The following BTD variants were observed in gnomAD, a reference collection of about 807,000 sequenced individuals.
BTD encodes the protein biotinidase.
In BTD, 13 loss-of-function variants were observed where a neutral mutation model predicts 17.7. The observed-to-expected ratio is 0.74, with a 90% CI of 0.48 to 1.17. BTD has a LOEUF of 1.17. Among genes scored for constraint, BTD ranks in the 50% most tolerant of loss-of-function variants. BTD has a pLI of 0.00. For missense variants in BTD, 674 were observed against 650.4 expected (o/e 1.04, Z -0.39); for synonymous variants, 240 against 245.2 (o/e 0.98, Z 0.20).
chr3:15,715,301 T>C (rs2072872234), downstream of BTD, among the ~76,000 whole-genome samples: 1 of 152,148 alleles, frequency 6.6e-6, no homozygotes, highest in Non-Finnish European at 1.5e-5. Flanking sequence ...GCAAAGGAAA[T>C]AAACTACTTA....
chr3:15,627,958 G>T (rs543373307), intron 1 of BTD, among the ~76,000 whole-genome samples: 77 of 152,298 alleles, frequency 5.1e-4, no homozygotes, highest in African/African-American at 1.8e-3. Context: ...CTGACCTCAG[G>T]TGATCTACCC....
intron 1 of BTD, among the ~76,000 whole-genome samples, chr3:15,629,375 A>G (rs956819618): frequency 6.6e-6 from 1 of 152,120 alleles, no homozygotes. Context: ...GGCTCCAGAG[A>G]TCTGTGTGTT....
chr3:15,636,888 G>A (rs976538469), intron 2 of BTD, among the ~76,000 whole-genome samples: 1 of 151,192 alleles, frequency 6.6e-6, no homozygotes, highest in African/African-American at 2.4e-5. Flanking sequence ...GACAACTTTT[G>A]CAAGGGTGAC....
chr3:15,693,337 G>A (rs1490467546), intron 3 of BTD, among the ~76,000 whole-genome samples: 3 of 152,046 alleles, frequency 2.0e-5, no homozygotes, highest in East Asian at 1.9e-4. Flanking sequence ...CAGAGAGAGA[G>A]AGAGAGAGAG....
chr3:15,626,796 G>GA (rs1418285475), intron 1 of BTD, among the ~76,000 whole-genome samples: 3 of 132,356 alleles, frequency 2.3e-5, no homozygotes, highest in Non-Finnish European at 3.1e-5. Context: ...AAAAAAAAAA[G>GA]AAAAGAAAAG....
At chr3:15,681,679 T>C (rs368188172) in intron 3 of BTD, among the ~76,000 whole-genome samples, 1 of 152,246 alleles carries the variant, frequency 6.6e-6, no homozygotes, top group Non-Finnish European at 1.5e-5. Flanking sequence ...AAGTAATTTT[T>C]AGAAAAACCT....
intron 4 of BTD, chr3:15,721,161 T>A: frequency 1.3e-6 from 2 of 1,567,902 alleles, no homozygotes; most frequent in Non-Finnish European, 1.7e-6. Context: ...AATGTTAAAG[T>A]AGTTTTGCTA....
intron 3 of BTD, among the ~76,000 whole-genome samples, chr3:15,686,998 T>C (rs1442993139): frequency 1.3e-5 from 2 of 151,134 alleles, no homozygotes; most frequent in African/African-American, 4.9e-5. Context: ...GGCTGGAGTG[T>C]AGTGGTGTGA....
chr3:15,677,057 C>A, intron 3 of BTD: 1 of 1,611,908 alleles, frequency 6.2e-7, no homozygotes, highest in South Asian at 1.1e-5. Context: ...TTTCATGACC[C>A]TATAATTGTG....
At chr3:15,674,912 G>A (rs2066775548) in intron 3 of BTD, among the ~76,000 whole-genome samples, 1 of 152,108 alleles carries the variant, frequency 6.6e-6, no homozygotes, top group Non-Finnish European at 1.5e-5. Flanking sequence ...GTTTTGATGG[G>A]AACAGTTTTG....
intron 3 of BTD, among the ~76,000 whole-genome samples, chr3:15,661,527 G>T (rs935478459): frequency 6.6e-6 from 1 of 152,048 alleles, no homozygotes; most frequent in African/African-American, 2.4e-5. Flanking sequence ...GAGTTTTAAG[G>T]GTTCTTTGTA....
intron 2 of BTD, among the ~76,000 whole-genome samples, chr3:15,640,398 CT>C (rs548991745): frequency 2.2e-3 from 322 of 145,076 alleles, no homozygotes; most frequent in African/African-American, 7.6e-3. Context: ...TTTTTTTTTC[CT>C]TTTTTTTTTG....
In BTD at chr3:15,620,468, A is replaced by G. The variant is rs145457222; in HGVS notation, c.-16-14956A>G. Among the ~76,000 whole-genome samples, 1,003 of 152,312 alleles carry G rather than the reference A, an allele frequency of 6.6e-3. 9 individuals carry two copies. Among genetic ancestry groups the G allele is most frequent in the African/African-American group, 0.023 (952 of 41,560 alleles). On this transcript the variant is annotated intron_variant, in intron 1 of 3. Coordinates refer to ENST00000643237, the MANE Select transcript of BTD (RefSeq NM_001370658.1). ...TGTGGCTCTTTTAGCCCAACCCCAC[A>G]GGCAGTCAGACCTTATGGTTGTCTT... is the stretch of plus-strand genomic sequence containing the variant.
Position 15,644,470 on chromosome 3 carries a change from C to A in BTD, c.554C>A (p.Thr185Asn), listed in dbSNP as rs746554189. The A allele has an allele frequency of 4.3e-6, 7 of 1,613,974 alleles. No homozygotes were observed. The South Asian group carries it at 5.5e-5, about 13-fold the overall frequency. Reference protein sequence around the residue: ...NTNVVFSNNGTLVDRYRKHNL... With the variant: ...NTNVVFSNNGNLVDRYRKHNL... ...AATGTCGTGTTCAGCAATAATGGAA[C>A]CCTTGTTGACCGCTACCGTAAACAC... The change falls in exon 4 of 4, where the codon ACC becomes AAC. Residue 185 changes from threonine (T) to asparagine (N), a missense_variant. Transcript: ENST00000643237.
chr3:15,675,409 AT>A (rs1190224927), intron 3 of BTD, among the ~76,000 whole-genome samples: 1 of 152,196 alleles, frequency 6.6e-6, no homozygotes, highest in Non-Finnish European at 1.5e-5. Flanking sequence ...TTTATAAATT[AT>A]TTTTTAAGGA....
chr3:15,616,901 C>T (rs1472046730), intron 1 of BTD, among the ~76,000 whole-genome samples: 4 of 151,912 alleles, frequency 2.6e-5, no homozygotes, highest in Non-Finnish European at 4.4e-5. Context: ...GGTGCAATCT[C>T]GGCTCACTGC....
At chr3:15,676,081 T>C (rs2066906130) in intron 3 of BTD, 10 of 1,032,086 alleles carry the variant, frequency 9.7e-6, no homozygotes, top group Non-Finnish European at 1.4e-5. Context: ...TTTTGTCAAC[T>C]TGTGAAGACC....
rs1294682218 is a variant in BTD, at chr3:15,652,667, T to G, written c.*7179T>G. 6.6e-6 allele frequency among the ~76,000 whole-genome samples: 1 copy of G among 152,208 alleles called. No homozygotes were observed. Among genetic ancestry groups the G allele is most frequent in the East Asian group, 1.9e-4 (1 of 5,202 alleles). On this transcript the variant is annotated 3_prime_UTR_variant, in exon 4 of 4. Transcript: ENST00000643237. ...AAATCCTAGGTTTTGAGGTAATTTATTATACAGCAATAGAAAACTAATACA... is the reference window on the plus strand; with the variant it reads ...AAATCCTAGGTTTTGAGGTAATTTAGTATACAGCAATAGAAAACTAATACA...
rs1026468344 is a variant in BTD at position 15,643,055 on chromosome 3, T to A, written c.399+998T>A. Among the ~76,000 whole-genome samples, 212 of 141,040 alleles carry A rather than the reference T, an allele frequency of 1.5e-3. 1 individual carries two copies. Among genetic ancestry groups the A allele is most frequent in the African/African-American group, 3.8e-3 (136 of 35,696 alleles). 92.5% of individuals were successfully genotyped at this position (141,040 alleles called of 152,430 possible). A position where few individuals can be genotyped will look rare whatever the true frequency, so the allele number is the denominator to read the frequency against. On this transcript the variant is annotated intron_variant, in intron 3 of 3. Transcript: ENST00000643237. ...AAAAAAAAAAAAAAATAAAATAAAA[T>A]AAAGAAATGGAATCCCTCAAAGGAT...
Sources: allele counts gnomAD v4.1 joint callset (sites outside exome capture counted in the v4.1 genomes callset), GRCh38; gene constraint gnomAD v4.1.1; transcripts MANE v1.5; gene names NCBI Gene and HGNC (gene_info 2026-07-23, HGNC 2026-07-21).